Variants in CADM2 observed in about 807,000 individuals in gnomAD.
CADM2 encodes cell adhesion molecule 2, also known as immunoglobulin superfamily member 4D.
A neutral mutation model predicts 49.8 loss-of-function variants in CADM2; 12 were observed. That is an observed-to-expected ratio of 0.24 (90% confidence interval 0.15 to 0.39). The LOEUF (loss-of-function observed/expected upper bound fraction) is 0.39, where lower values mean the gene tolerates loss of function less well. Among genes scored for constraint, CADM2 ranks in the 10% least tolerant of loss-of-function variants. The pLI is 1.00. For synonymous variants in CADM2, 214 were observed against 175.4 expected, an observed-to-expected ratio of 1.22 and a Z score of -1.74; for missense variants, 378 against 492.3, an observed-to-expected ratio of 0.77 and a Z score of 2.20.
chr3:85,386,534 T>G (rs1353495001), intron 1 of CADM2, among the ~76,000 whole-genome samples: 1 of 152,166 alleles, frequency 6.6e-6, no homozygotes, highest in Non-Finnish European at 1.5e-5. Flanking sequence ...TGTGGGATGC[T>G]TGCTCCAGCT....
At chr3:85,427,945 C>A (rs1358844944) in intron 1 of CADM2, among the ~76,000 whole-genome samples, 1 of 152,014 alleles carries the variant, frequency 6.6e-6, no homozygotes, top group Non-Finnish European at 1.5e-5. Flanking sequence ...CTTGTGATAT[C>A]TCATTCAAAG....
chr3:85,130,616 T>C (rs1335735842), intron 1 of CADM2, among the ~76,000 whole-genome samples: 2 of 152,196 alleles, frequency 1.3e-5, no homozygotes, highest in Non-Finnish European at 2.9e-5. Flanking sequence ...ATAAAATAAT[T>C]GGTCATAGGG....
intron 1 of CADM2, among the ~76,000 whole-genome samples, chr3:85,202,545 A>G (rs1176218029): frequency 6.6e-6 from 1 of 152,116 alleles, no homozygotes; most frequent in Non-Finnish European, 1.5e-5. Context: ...TCACGCTGTA[A>G]ACAGATGTGC....
intron 7 of CADM2, among the ~76,000 whole-genome samples, chr3:85,945,094 A>G (rs1460609290): frequency 6.6e-6 from 1 of 152,132 alleles, no homozygotes; most frequent in African/African-American, 2.4e-5. Context: ...GATAAAGGGG[A>G]TATCACCACC....
In CADM2 at chr3:85,694,117, T is replaced by C. The variant is rs185379361; in HGVS notation, c.62-32405T>C. 3.3e-5 allele frequency among the ~76,000 whole-genome samples: 5 copies of C among 152,230 alleles called. No individual in the cohort carries two copies. In the East Asian group the frequency reaches 9.6e-4, roughly 29 times the overall value. On this transcript the variant is annotated intron_variant, in intron 1 of 9. Coordinates refer to ENST00000383699, the MANE Select transcript of CADM2 (RefSeq NM_001167675.2). ...CTTTTTACTTCAGACCAAGGGACAG[T>C]TTTTCTTTATCATCTTTTGTGATGA...
At chr3:85,493,504 G>A (rs1051297469) in intron 1 of CADM2, among the ~76,000 whole-genome samples, 1 of 152,122 alleles carries the variant, frequency 6.6e-6, no homozygotes, top group East Asian at 1.9e-4. Context: ...ACAGTCTAAT[G>A]TTAAAAGTAG....
chr3:85,830,784 A>G (rs1238033729), intron 3 of CADM2, among the ~76,000 whole-genome samples: 1 of 149,612 alleles, frequency 6.7e-6, no homozygotes, highest in Non-Finnish European at 1.5e-5. Flanking sequence ...TGGTCAGAAG[A>G]TGTCTTTGTG....
chr3:85,537,918 G>A (rs1269378577), intron 1 of CADM2, among the ~76,000 whole-genome samples: 1 of 151,988 alleles, frequency 6.6e-6, no homozygotes, highest in East Asian at 1.9e-4. Context: ...TTTGACTCGG[G>A]GCTTGATGGT....
chr3:85,730,484 A>T (rs2067885487), intron 2 of CADM2, among the ~76,000 whole-genome samples: 1 of 128,786 alleles, frequency 7.8e-6, no homozygotes. Context: ...TAAAATATAA[A>T]AAATCTCATT....
chr3:84,984,046 T>TACAC (rs569971907), intron 1 of CADM2, among the ~76,000 whole-genome samples: 2,011 of 115,584 alleles, frequency 0.017, 32 homozygotes, highest in East Asian at 0.072. Flanking sequence ...TATATATATA[T>TACAC]ATACACACAC....
intron 8 of CADM2, among the ~76,000 whole-genome samples, chr3:85,980,336 A>G (rs1218160969): frequency 6.6e-6 from 1 of 151,456 alleles, no homozygotes; most frequent in African/African-American, 2.4e-5. Flanking sequence ...ATTTTAATTA[A>G]TTCTAGATAT....
chr3:85,093,047 A>G (rs2037657418), intron 1 of CADM2, among the ~76,000 whole-genome samples: 1 of 152,066 alleles, frequency 6.6e-6, no homozygotes. Flanking sequence ...CCTAACATCT[A>G]CTTACTCTAT....
chr3:85,219,421 C>T (rs1175211711), intron 1 of CADM2, among the ~76,000 whole-genome samples: 1 of 152,154 alleles, frequency 6.6e-6, no homozygotes, highest in Admixed American at 6.5e-5. Flanking sequence ...AACAGAACTG[C>T]ACTTGCTAAG....
At chr3:85,014,562 G>A (rs2034160705) in intron 1 of CADM2, among the ~76,000 whole-genome samples, 2 of 152,134 alleles carry the variant, frequency 1.3e-5, no homozygotes, top group Admixed American at 6.5e-5. Context: ...ATGAATGAGA[G>A]GAGACTAGTG....
At chr3:85,921,699 G>A (rs1289770300) in intron 6 of CADM2, among the ~76,000 whole-genome samples, 1 of 151,934 alleles carries the variant, frequency 6.6e-6, no homozygotes, top group Non-Finnish European at 1.5e-5. Flanking sequence ...GGTTCACTCT[G>A]CATTGTGTAG....
intron 1 of CADM2, among the ~76,000 whole-genome samples, chr3:85,537,131 TGA>T (rs2061437280): frequency 1.3e-5 from 2 of 152,130 alleles, no homozygotes; most frequent in African/African-American, 2.4e-5. Flanking sequence ...AATAATTGTG[TGA>T]TGTGAGAAAC....
intron 1 of CADM2, among the ~76,000 whole-genome samples, chr3:85,453,506 T>C (rs1275824320): frequency 1.3e-5 from 2 of 152,172 alleles, no homozygotes; most frequent in Non-Finnish European, 2.9e-5. Context: ...TAGCATTTTA[T>C]ATCATTATCA....
intron 8 of CADM2, among the ~76,000 whole-genome samples, chr3:86,040,877 G>C (rs934979927): frequency 2.0e-5 from 3 of 152,180 alleles, no homozygotes; most frequent in African/African-American, 7.2e-5. Context: ...ACTAACAGCT[G>C]ATCTCTTGGC....
intron 1 of CADM2, among the ~76,000 whole-genome samples, chr3:85,217,954 T>C (rs946475831): frequency 2.0e-5 from 3 of 152,126 alleles, no homozygotes; most frequent in Non-Finnish European, 4.4e-5. Context: ...AATAACTTTG[T>C]TGTATATTTG....
Sources: gnomAD v4.1 joint callset for allele counts (sites outside exome capture counted in the v4.1 genomes callset) on GRCh38, gnomAD v4.1.1 for gene constraint, MANE v1.5 for transcripts, NCBI Gene and HGNC (gene_info 2026-07-23, HGNC 2026-07-21) for gene names.